EBF3: variants seen among roughly 807,000 people sequenced by gnomAD.
EBF3 encodes the protein transcription factor COE3.
EBF3 carries 18 observed loss-of-function variants against 77.1 expected under a neutral mutation model. The observed-to-expected ratio is 0.23, with a 90% CI of 0.16 to 0.35. The LOEUF is 0.35. Ranked by LOEUF, EBF3 falls within the 10% of genes least tolerant of loss-of-function variation. The pLI is 1.00. For synonymous variants in EBF3, 350 were observed against 343.5 expected, an observed-to-expected ratio of 1.02 and a Z score of -0.21; for missense variants, 558 against 860.0, an observed-to-expected ratio of 0.65 and a Z score of 4.39.
rs755115251 is a variant in EBF3 at position 129,879,686 on chromosome 10, A to C, written c.555-1837T>G. On this transcript the variant is annotated intron_variant, in intron 6 of 16. Coordinates refer to ENST00000440978, the MANE Select transcript of EBF3 (RefSeq NM_001375380.1). This position sits in a 1 kb window ranked among gnomAD's most constrained non-coding sequence, Gnocchi z 4.7. Reference sequence around the variant, plus strand: ...TTCACACCATCTGCCATCAGCATACAGTAAGTCACTTGATATTCCACCCAC... The same window carrying C: ...TTCACACCATCTGCCATCAGCATACCGTAAGTCACTTGATATTCCACCCAC... 6.6e-6 allele frequency among the ~76,000 whole-genome samples: 1 copy of C among 152,226 alleles called. No individual in the cohort carries two copies. Among genetic ancestry groups the C allele is most frequent in the Non-Finnish European group, 1.5e-5 (1 of 68,038 alleles).
At chr10:129,862,193 T>A (rs956486875) in intron 10 of EBF3, among the ~76,000 whole-genome samples, 1 of 152,100 alleles carries the variant, frequency 6.6e-6, no homozygotes, top group African/African-American at 2.4e-5. Context: ...AAATACTGTA[T>A]CAGAAAGAAC....
At chr10:129,908,367 A>G (rs1273690699) in intron 6 of EBF3, among the ~76,000 whole-genome samples, 2 of 152,218 alleles carry the variant, frequency 1.3e-5, no homozygotes, top group South Asian at 4.1e-4. Flanking sequence ...TAAATATTTA[A>G]CACTTCACAG....
rs866894100 is a variant in EBF3, at chr10:129,883,530, T to C, written c.555-5681A>G. Among the ~76,000 whole-genome samples the C allele has an allele frequency of 7.7e-4, 117 of 152,254 alleles. 2 individuals carry two copies. In the Middle Eastern group the frequency reaches 0.01, roughly 13 times the overall value. On this transcript the variant is annotated intron_variant, in intron 6 of 16. Coordinates refer to ENST00000440978, the MANE Select transcript of EBF3 (RefSeq NM_001375380.1). ...AAACTCATACAACAGTGGATGGGCC[T>C]GCAGGCCATCCATCAAAAACCCAAA...
At chr10:129,862,823 TTTC>T (rs1240058940) in intron 10 of EBF3, among the ~76,000 whole-genome samples, 1 of 152,244 alleles carries the variant, frequency 6.6e-6, no homozygotes, top group Non-Finnish European at 1.5e-5. Flanking sequence ...TAAAAAATAA[TTTC>T]TTTTATTACT....
Position 129,837,580 on chromosome 10 carries a change from A to G in EBF3, c.*363T>C, listed in dbSNP as rs1849687378. On this transcript the variant is annotated 3_prime_UTR_variant, in exon 17 of 17. Coordinates refer to ENST00000440978, the MANE Select transcript of EBF3 (RefSeq NM_001375380.1). ...TCATGATCATCAAAATGGTGCATTC[A>G]CAAAGTTTCTCCCAACACATAGCAA... 4.2e-6 allele frequency: 1 copy of G among 239,326 alleles called. No individual in the cohort carries two copies. Among genetic ancestry groups the G allele is most frequent in the Non-Finnish European group, 8.1e-6 (1 of 123,688 alleles). 14.8% of individuals were successfully genotyped at this position (239,326 alleles called of 1,614,324 possible).
intron 7 of EBF3, among the ~76,000 whole-genome samples, chr10:129,875,984 G>A (rs948403654): frequency 1.3e-5 from 2 of 152,214 alleles, no homozygotes; most frequent in Non-Finnish European, 1.5e-5. Flanking sequence ...CCCTTTTTAC[G>A]TTCCTAAACA....
chr10:129,935,224 A>G lies in EBF3; in HGVS notation c.554+22034T>C, dbSNP rs1053541837. The stretch of plus-strand genomic sequence containing the variant: ...CACAGGGGAGATTCTTGAAGGTCCC[A>G]CTCGCACCTGTCACAGCAGCCACTG... On this transcript the variant is annotated intron_variant, in intron 6 of 16. Transcript: ENST00000440978. The surrounding 1 kb of genome is among the most constrained non-coding windows in gnomAD (Gnocchi z 4.2). Among the ~76,000 whole-genome samples the G allele has an allele frequency of 6.6e-6, 1 of 152,090 alleles. No individual in the cohort carries two copies. Among genetic ancestry groups the G allele is most frequent in the African/African-American group, 2.4e-5 (1 of 41,418 alleles).
At chr10:129,872,075 C>T (rs1320574278) in intron 8 of EBF3, among the ~76,000 whole-genome samples, 1 of 152,224 alleles carries the variant, frequency 6.6e-6, no homozygotes, top group Non-Finnish European at 1.5e-5. Context: ...GTACTTTGCT[C>T]AGATCATAAT....
At chr10:129,866,147 G>C (rs1205056928) in intron 10 of EBF3, among the ~76,000 whole-genome samples, 2 of 152,116 alleles carry the variant, frequency 1.3e-5, no homozygotes, top group Non-Finnish European at 2.9e-5. Context: ...TTTGAGATAG[G>C]GTCTTGCTTT....
Position 129,879,958 on chromosome 10 carries a change from C to T in EBF3, c.555-2109G>A, listed in dbSNP as rs901594647. The stretch of plus-strand genomic sequence containing the variant: ...GCAGGCGCCGGCCCGAGAAGCTGCT[C>T]ATCTGCAAATGTACCTGCACGGAGC... On this transcript the variant is annotated intron_variant, in intron 6 of 16. Coordinates refer to ENST00000440978, the MANE Select transcript of EBF3 (RefSeq NM_001375380.1). The surrounding 1 kb of genome is among the most constrained non-coding windows in gnomAD (Gnocchi z 4.7). Among the ~76,000 whole-genome samples the T allele has an allele frequency of 1.3e-5, 2 of 152,192 alleles. No individual in the cohort carries two copies. The highest frequency in any genetic ancestry group is 4.8e-5 in the African/African-American group (2 of 41,448).
At chr10:129,933,720 G>T (rs187034501) in intron 6 of EBF3, among the ~76,000 whole-genome samples, 3 of 152,176 alleles carry the variant, frequency 2.0e-5, no homozygotes, top group Non-Finnish European at 4.4e-5. Flanking sequence ...CAGACCACAG[G>T]GGGGCTCCTC....
chr10:129,925,660 C>T (rs1277219582), intron 6 of EBF3, among the ~76,000 whole-genome samples: 1 of 150,842 alleles, frequency 6.6e-6, no homozygotes, highest in Non-Finnish European at 1.5e-5. Flanking sequence ...TCTGAATGTA[C>T]TTAATGCACT....
chr10:129,898,200 G>C (rs1854527906), intron 6 of EBF3, among the ~76,000 whole-genome samples: 1 of 152,232 alleles, frequency 6.6e-6, no homozygotes, highest in Admixed American at 6.5e-5. Flanking sequence ...AATTTCATTA[G>C]TCTGAAGAGC....
chr10:129,861,537 G>A lies in EBF3; in HGVS notation c.1039+5604C>T, dbSNP rs1401481250. 2.0e-5 allele frequency among the ~76,000 whole-genome samples: 3 copies of A among 149,644 alleles called. No individual in the cohort carries two copies. Among genetic ancestry groups the A allele is most frequent in the Non-Finnish European group, 1.5e-5 (1 of 67,468 alleles). Reference sequence around the variant, plus strand: ...AGAAAAGCAAAGGTGCCTGGAGGGTGTCTATTCTTGGGGGGTTCACTGGGG... The same window carrying A: ...AGAAAAGCAAAGGTGCCTGGAGGGTATCTATTCTTGGGGGGTTCACTGGGG... On this transcript the variant is annotated intron_variant, in intron 10 of 16. Transcript: ENST00000440978. The surrounding 1 kb of genome is among the most constrained non-coding windows in gnomAD (Gnocchi z 4.3).
In EBF3 at chr10:129,964,249, A is replaced by G; in HGVS notation, c.-481T>C. The G allele has an allele frequency of 1.0e-6, 1 of 984,920 alleles. No homozygotes were observed. Among genetic ancestry groups the G allele is most frequent in the African/African-American group, 1.7e-5 (1 of 57,286 alleles). The allele number at this position is 984,920 out of a possible 1,614,324, so 61.0% of individuals were successfully genotyped here. ...GCGCGCAGCGGACGGAGGCGCACAAAACTCAGCCCTCTCTCCCCGAGGAAT... is the reference window on the plus strand; with the variant it reads ...GCGCGCAGCGGACGGAGGCGCACAAGACTCAGCCCTCTCTCCCCGAGGAAT... On this transcript the variant is annotated 5_prime_UTR_variant, in exon 1 of 17. Transcript: ENST00000440978. The surrounding 1 kb of genome is among the most constrained non-coding windows in gnomAD (Gnocchi z 4.5).
chr10:129,941,810 G>A (rs776474476), intron 6 of EBF3, among the ~76,000 whole-genome samples: 5 of 152,204 alleles, frequency 3.3e-5, no homozygotes, highest in Non-Finnish European at 7.4e-5. Flanking sequence ...GGCCTGGGTG[G>A]AGCTACCAAA....
At chr10:129,922,121 G>T (rs145309817) in intron 6 of EBF3, among the ~76,000 whole-genome samples, 1 of 152,180 alleles carries the variant, frequency 6.6e-6, no homozygotes, top group Admixed American at 6.5e-5. Context: ...GCCCTGCCTC[G>T]AATTCCCCTG....
In EBF3 at chr10:129,929,905, G is replaced by C. The variant is rs189810507; in HGVS notation, c.554+27353C>G. ...CATCATTTCTGGGTGTGTCTGTGAG[G>C]GTGTTTCCAGAGGAGCTTGGGGTGT... On this transcript the variant is annotated intron_variant, in intron 6 of 16. Coordinates refer to ENST00000440978, the MANE Select transcript of EBF3 (RefSeq NM_001375380.1). Among the ~76,000 whole-genome samples the C allele has an allele frequency of 3.3e-5, 5 of 151,532 alleles. No individual in the cohort carries two copies. In the East Asian group the frequency reaches 9.7e-4, roughly 29 times the overall value.
chr10:129,962,137 G>A (rs892200469), intron 4 of EBF3, 34 bp downstream of exon 4: 8 of 1,612,662 alleles, frequency 5.0e-6, no homozygotes, highest in South Asian at 1.1e-5. Context: ...AGGCCCAGCA[G>A]TGAAAACTCG....
Sources: allele counts gnomAD v4.1 joint callset (sites outside exome capture counted in the v4.1 genomes callset), GRCh38; gene constraint gnomAD v4.1.1; non-coding constraint Gnocchi (gnomAD v3.1); transcripts MANE v1.5; gene names NCBI Gene and HGNC (gene_info 2026-07-23, HGNC 2026-07-21).